The following SLC30A9 variants were observed in gnomAD, a reference collection of about 807,000 sequenced individuals.
SLC30A9 encodes the protein solute carrier family 30 member 9.
A neutral mutation model predicts 87.5 loss-of-function variants in SLC30A9; 58 were observed. That is an observed-to-expected ratio of 0.66 (90% CI 0.54 to 0.82). The LOEUF (loss-of-function observed/expected upper bound fraction) is 0.82. Among genes scored for constraint, SLC30A9 ranks in the 40% least tolerant of loss-of-function variants. SLC30A9 has a pLI of 0.00. For missense variants in SLC30A9, 557 were observed against 679.1 expected (o/e 0.82, Z 2.00); for synonymous variants, 234 against 233.0 (o/e 1.00, Z -0.04).
At chr4:42,083,101 A>ATGAT (rs1413871925) in intron 17 of SLC30A9, among the ~76,000 whole-genome samples, 5 of 152,176 alleles carry the variant, frequency 3.3e-5, no homozygotes, top group Non-Finnish European at 7.4e-5. Context: ...AATGGAAATT[A>ATGAT]GTTCATTGGG....
At chr4:42,055,247 C>T (rs1020598604) in intron 9 of SLC30A9, among the ~76,000 whole-genome samples, 2 of 151,962 alleles carry the variant, frequency 1.3e-5, no homozygotes, top group Non-Finnish European at 2.9e-5. Flanking sequence ...TTGTTTCTTT[C>T]GAGACCTATA....
At chr4:42,049,935 A>C (rs1238038311) in intron 9 of SLC30A9, among the ~76,000 whole-genome samples, 1 of 152,180 alleles carries the variant, frequency 6.6e-6, no homozygotes, top group Non-Finnish European at 1.5e-5. Flanking sequence ...AAATTGTGAA[A>C]ACTAGAAACC....
intron 17 of SLC30A9, among the ~76,000 whole-genome samples, chr4:42,080,632 G>A (rs1372730230): frequency 1.3e-5 from 2 of 152,128 alleles, no homozygotes; most frequent in African/African-American, 4.8e-5. Flanking sequence ...GATACTGTGT[G>A]GCCAAAGGCC....
intron 8 of SLC30A9, among the ~76,000 whole-genome samples, chr4:42,039,697 G>A (rs1716842087): frequency 6.6e-6 from 1 of 151,914 alleles, no homozygotes; most frequent in Non-Finnish European, 1.5e-5. Flanking sequence ...TCCTGACCTC[G>A]TGATCTGCCC....
intron 9 of SLC30A9, among the ~76,000 whole-genome samples, chr4:42,059,775 A>T (rs12500788): frequency 6.6e-6 from 1 of 151,992 alleles, no homozygotes; most frequent in Non-Finnish European, 1.5e-5. Flanking sequence ...ACTACAAAGC[A>T]TAAGTTCTGT....
Position 42,035,257 on chromosome 4 carries a change from AT to A in SLC30A9, c.611-14del, listed in dbSNP as rs1207317398. 6.3e-7 allele frequency: 1 copy of A among 1,585,694 alleles called. No individual in the cohort carries two copies. On this transcript the variant is annotated splice_polypyrimidine_tract_variant and intron_variant, in intron 6 of 17. Transcript: ENST00000264451. Reference sequence around the variant, plus strand: ...GTAAGAATATCTATGACCTAAATTTATTTTGTTATTCTTACAGGGCTATTTA... The same window carrying A: ...GTAAGAATATCTATGACCTAAATTTATTTGTTATTCTTACAGGGCTATTTA...
intron 2 of SLC30A9, among the ~76,000 whole-genome samples, chr4:42,006,800 T>C (rs920992171): frequency 3.3e-5 from 5 of 151,986 alleles, no homozygotes; most frequent in Admixed American, 6.6e-5. Flanking sequence ...GTGTTGAAAG[T>C]ACAAGAGACG....
intron 9 of SLC30A9, among the ~76,000 whole-genome samples, chr4:42,055,544 G>A (rs1042054642): frequency 5.3e-5 from 8 of 152,034 alleles, no homozygotes; most frequent in East Asian, 1.9e-4. Flanking sequence ...CCGCCACCAC[G>A]CCCGGCTAGT....
chr4:42,022,999 CAG>C (rs1299860497), intron 5 of SLC30A9, 69 bp downstream of exon 5: 4 of 875,990 alleles, frequency 4.6e-6, no homozygotes, highest in Middle Eastern at 2.8e-4. Flanking sequence ...ACATTTTAGA[CAG>C]AGTCAGAATT....
chr4:42,026,977 C>T (rs1305442698), intron 6 of SLC30A9, among the ~76,000 whole-genome samples: 1 of 151,950 alleles, frequency 6.6e-6, no homozygotes, highest in Non-Finnish European at 1.5e-5. Flanking sequence ...AGTTTTGGAT[C>T]TTAGTGTAAT....
At chr4:42,037,859 C>G (rs1716756033) in intron 7 of SLC30A9, among the ~76,000 whole-genome samples, 1 of 152,066 alleles carries the variant, frequency 6.6e-6, no homozygotes, top group Non-Finnish European at 1.5e-5. Context: ...CAACCTCCGC[C>G]TCCCGGGTTC....
chr4:42,076,551 G>A (rs1039461157), intron 16 of SLC30A9, among the ~76,000 whole-genome samples: 5 of 152,018 alleles, frequency 3.3e-5, no homozygotes, highest in Admixed American at 6.6e-5. Flanking sequence ...AGATTCTTCC[G>A]TGTTAATTTA....
At chr4:42,060,088 T>TG in intron 9 of SLC30A9, 103 bp from the exon 10 acceptor site, 1 of 825,448 alleles carries the variant, frequency 1.2e-6, no homozygotes, top group Non-Finnish European at 2.1e-6. Context: ...ATATGTTGAG[T>TG]GTTTCTTTGT....
intron 15 of SLC30A9, among the ~76,000 whole-genome samples, chr4:42,075,063 T>A (rs868281674): frequency 1.5e-3 from 66 of 44,040 alleles, no homozygotes; most frequent in African/African-American, 2.3e-3. Flanking sequence ...ATATATATTT[T>A]TTTTTTTTTT....
At chr4:42,053,695 C>CAAAAAAAAAAAAAAAAAAAAAAAAAAAA (rs56190460) in intron 9 of SLC30A9, among the ~76,000 whole-genome samples, 1 of 55,922 alleles carries the variant, frequency 1.8e-5, no homozygotes, top group Non-Finnish European at 2.9e-5. Flanking sequence ...ACTCGGTCTC[C>CAAAAAAAAAAAAAAAAAAAAAAAAAAAA]AAAAAAAAAA....
Position 42,075,738 on chromosome 4 carries a change from T to A in SLC30A9, c.1500T>A (p.Val500=), listed in dbSNP as rs1392460250. The change falls in exon 16 of 18, where the codon GTT becomes GTA. Residue 500 remains valine (V), a synonymous_variant. Coordinates refer to ENST00000264451, the MANE Select transcript of SLC30A9 (RefSeq NM_006345.4). ...CAGAAGTAGATTTTGATGGGCGAGT[T>A]GTTACAAGATCATATTTGGAAAAAC... The part of the protein sequence containing the change: ...FKAEVDFDGR[V]VTRSYLEKQD... The A allele has an allele frequency of 6.2e-7, 1 of 1,612,488 alleles. No individual in the cohort carries two copies. Among genetic ancestry groups the A allele is most frequent in the African/African-American group, 1.3e-5 (1 of 74,882 alleles).
intron 2 of SLC30A9, among the ~76,000 whole-genome samples, chr4:42,016,057 C>T (rs371484717): frequency 1.4e-4 from 21 of 152,160 alleles, no homozygotes; most frequent in East Asian, 1.2e-3. Flanking sequence ...AAAACTGGCT[C>T]TGTGACTTTG....
At chr4:42,021,725 C>A (rs1339599649) in intron 4 of SLC30A9, among the ~76,000 whole-genome samples, 1 of 151,786 alleles carries the variant, frequency 6.6e-6, no homozygotes, top group Non-Finnish European at 1.5e-5. Flanking sequence ...ATATTCTAAT[C>A]CATGTTCTTT....
intron 16 of SLC30A9, among the ~76,000 whole-genome samples, chr4:42,077,339 T>C (rs1718596311): frequency 6.6e-6 from 1 of 152,222 alleles, no homozygotes; most frequent in African/African-American, 2.4e-5. Flanking sequence ...CATTGCTCCC[T>C]GATTTTTCAT....
Sources: gnomAD v4.1 joint callset for allele counts (sites outside exome capture counted in the v4.1 genomes callset) on GRCh38, gnomAD v4.1.1 for gene constraint, MANE v1.5 for transcripts, NCBI Gene and HGNC (gene_info 2026-07-23, HGNC 2026-07-21) for gene names.